ZNF277: variants seen among roughly 807,000 people sequenced by gnomAD.
ZNF277 encodes nuclear receptor-interacting factor 4.
Under a neutral mutation model 60.7 loss-of-function variants are expected in ZNF277, and 55 were observed. The ratio of observed to expected loss-of-function variants is 0.91; its 90% CI spans 0.73 to 1.13. The LOEUF (loss-of-function observed/expected upper bound fraction) is 1.13. Among genes scored for constraint, ZNF277 ranks in the 50% most tolerant of loss-of-function variants. ZNF277 has a pLI of 0.00. For missense variants in ZNF277, 510 were observed against 523.0 expected, an observed-to-expected ratio of 0.98 and a Z score of 0.24; for synonymous variants, 178 against 179.3, an observed-to-expected ratio of 0.99 and a Z score of 0.06.
At chr7:112,309,306 A>T (rs1187980756) in intron 4 of ZNF277, among the ~76,000 whole-genome samples, 1 of 152,068 alleles carries the variant, frequency 6.6e-6, no homozygotes, top group Non-Finnish European at 1.5e-5. Flanking sequence ...AGAAAGACAG[A>T]TTCAAGATTA....
chr7:112,303,274 CA>C (rs148316682), intron 4 of ZNF277, among the ~76,000 whole-genome samples: 2,267 of 152,122 alleles, frequency 0.015, 34 homozygotes, highest in Middle Eastern at 0.031. Context: ...TCTAAATTGA[CA>C]TTTGTTAGAA....
intron 1 of ZNF277, among the ~76,000 whole-genome samples, chr7:112,211,284 C>T (rs1476606249): frequency 2.0e-5 from 3 of 152,210 alleles, no homozygotes; most frequent in East Asian, 3.8e-4. Context: ...ATTCCTAACT[C>T]GCCCTCAGGT....
chr7:112,285,320 A>T (rs1554490781), intron 1 of ZNF277, among the ~76,000 whole-genome samples: 1 of 151,428 alleles, frequency 6.6e-6, no homozygotes, highest in Non-Finnish European at 1.5e-5. Flanking sequence ...TTGAGCCACC[A>T]CACTTACATA....
intron 2 of ZNF277, 90 bp from the exon 3 acceptor site, chr7:112,295,779 G>T (rs1292506614): frequency 5.0e-6 from 5 of 990,456 alleles, no homozygotes; most frequent in Non-Finnish European, 7.7e-6. Flanking sequence ...GTTGCTTTGG[G>T]ATGAGTGAAT....
intron 1 of ZNF277, among the ~76,000 whole-genome samples, chr7:112,237,712 C>A (rs939637491): frequency 6.6e-6 from 1 of 152,088 alleles, no homozygotes; most frequent in African/African-American, 2.4e-5. Flanking sequence ...AAGCCCAGGA[C>A]CATATGGTTT....
chr7:112,333,718 A>G (rs988784026), intron 7 of ZNF277, among the ~76,000 whole-genome samples: 2 of 152,228 alleles, frequency 1.3e-5, no homozygotes, highest in Non-Finnish European at 2.9e-5. Flanking sequence ...TCTGTGCTGA[A>G]TCATTCATAT....
chr7:112,299,480 G>A (rs1027900129), intron 4 of ZNF277, among the ~76,000 whole-genome samples: 3 of 152,138 alleles, frequency 2.0e-5, no homozygotes, highest in African/African-American at 4.8e-5. Context: ...ATTGGAACTC[G>A]TGAAGATGTT....
chr7:112,272,945 T>G (rs1791707342), intron 1 of ZNF277, among the ~76,000 whole-genome samples: 2 of 152,226 alleles, frequency 1.3e-5, no homozygotes, highest in African/African-American at 4.8e-5. Context: ...CCATTTTAAC[T>G]GGGGTGAGAT....
chr7:112,326,842 A>G (rs1223880830), intron 5 of ZNF277, among the ~76,000 whole-genome samples: 1 of 152,214 alleles, frequency 6.6e-6, no homozygotes, highest in Non-Finnish European at 1.5e-5. Flanking sequence ...GGCTCTCCAA[A>G]ACAATCACCT....
chr7:112,214,009 G>A (rs1821819318), intron 1 of ZNF277, among the ~76,000 whole-genome samples: 1 of 152,188 alleles, frequency 6.6e-6, no homozygotes, highest in African/African-American at 2.4e-5. Flanking sequence ...TTTGGCATAT[G>A]TGCCAGAAGT....
At chr7:112,247,633 T>A (rs55915049) in intron 1 of ZNF277, among the ~76,000 whole-genome samples, 18,373 of 152,158 alleles carry the variant, frequency 0.12, 1,248 homozygotes, top group East Asian at 0.16. Context: ...AATGTTTTTT[T>A]AATTTATTAT....
At chr7:112,294,095 T>C (rs1276778413) in intron 2 of ZNF277, among the ~76,000 whole-genome samples, 1 of 152,242 alleles carries the variant, frequency 6.6e-6, no homozygotes, top group Admixed American at 6.5e-5. Context: ...CACTTTGTAA[T>C]AGAAAATGTG....
At chr7:112,242,466 G>A (rs1375382389) in intron 1 of ZNF277, among the ~76,000 whole-genome samples, 1 of 149,320 alleles carries the variant, frequency 6.7e-6, no homozygotes, top group Non-Finnish European at 1.5e-5. Flanking sequence ...AGGATGTTAA[G>A]TAACGTACAA....
At chr7:112,299,793 TCTCAA>T (rs1302106311) in intron 4 of ZNF277, among the ~76,000 whole-genome samples, 3 of 152,148 alleles carry the variant, frequency 2.0e-5, no homozygotes, top group South Asian at 2.1e-4. Context: ...AACTTGAGGA[TCTCAA>T]CTCAAGTCCA....
chr7:112,229,988 G>T (rs1822279521), intron 1 of ZNF277, among the ~76,000 whole-genome samples: 1 of 152,218 alleles, frequency 6.6e-6, no homozygotes, highest in Non-Finnish European at 1.5e-5. Flanking sequence ...GAGCAATGGA[G>T]TAGGAGACAA....
intron 1 of ZNF277, among the ~76,000 whole-genome samples, chr7:112,251,293 G>A (rs1381816871): frequency 6.6e-6 from 1 of 152,202 alleles, no homozygotes; most frequent in African/African-American, 2.4e-5. Flanking sequence ...ATGAAGGACA[G>A]TTGGCACAGA....
chr7:112,233,868 T>C (rs1389826580), intron 1 of ZNF277, among the ~76,000 whole-genome samples: 11 of 152,136 alleles, frequency 7.2e-5, no homozygotes, highest in Admixed American at 7.2e-4. Flanking sequence ...TTGGAATTTT[T>C]GGTAATAGGT....
At chr7:112,261,956 C>G (rs1791446151) in intron 1 of ZNF277, among the ~76,000 whole-genome samples, 1 of 152,102 alleles carries the variant, frequency 6.6e-6, no homozygotes, top group African/African-American at 2.4e-5. Flanking sequence ...GTTTTTAAAG[C>G]ACTTTGCCAA....
At chr7:112,233,504 T>C (rs1822396069) in intron 1 of ZNF277, among the ~76,000 whole-genome samples, 1 of 152,172 alleles carries the variant, frequency 6.6e-6, no homozygotes, top group Non-Finnish European at 1.5e-5. Context: ...AAGCCAGAGG[T>C]CATACAACTA....
Sources: allele counts gnomAD v4.1 joint callset (sites outside exome capture counted in the v4.1 genomes callset), GRCh38; gene constraint gnomAD v4.1.1; transcripts MANE v1.5; gene names NCBI Gene and HGNC (gene_info 2026-07-23, HGNC 2026-07-21).